The following MAP4 variants were observed in gnomAD, a reference collection of about 807,000 sequenced individuals.
The protein encoded by MAP4 is microtubule associated protein 4.
In MAP4, 76 loss-of-function variants were observed where a neutral mutation model predicts 170.2. The observed-to-expected ratio is 0.45, with a 90% CI of 0.37 to 0.54. The LOEUF is 0.54. Ranked by LOEUF, MAP4 falls within the 20% of genes least tolerant of loss-of-function variation. The probability of loss-of-function intolerance (pLI) is 0.00; values close to 1 mark genes in which losing one functional copy is unlikely to be tolerated. For missense variants in MAP4, 2,506 were observed against 2,748.0 expected (o/e 0.91, Z 1.97); for synonymous variants, 909 against 994.5 (o/e 0.91, Z 1.62).
intron 1 of MAP4, chr3:48,013,337 T>C (rs1385816743): frequency 2.6e-5 from 4 of 152,064 alleles, no homozygotes; most frequent in Non-Finnish European, 1.5e-5. Context: ...AATTGACCAT[T>C]TATACTATTC....
chr3:47,995,264 T>C (rs1371376058), intron 2 of MAP4, among the ~76,000 whole-genome samples: 1 of 149,908 alleles, frequency 6.7e-6, no homozygotes, highest in African/African-American at 2.5e-5. Context: ...TTTTTTTTTT[T>C]TTTTGAGACA....
intron 10 of MAP4, among the ~76,000 whole-genome samples, chr3:47,897,677 G>A (rs980836335): frequency 6.6e-6 from 1 of 152,024 alleles, no homozygotes; most frequent in Non-Finnish European, 1.5e-5. Context: ...AGTGGCTCAT[G>A]CCTGTAATCT....
At chr3:47,983,030 T>C (rs980681540) in intron 2 of MAP4, among the ~76,000 whole-genome samples, 2 of 152,086 alleles carry the variant, frequency 1.3e-5, no homozygotes, top group African/African-American at 4.8e-5. Flanking sequence ...CCCAAGTAGC[T>C]GGTAGCTGGG....
intron 6 of MAP4, among the ~76,000 whole-genome samples, chr3:47,917,522 T>A (rs896563384): frequency 6.7e-6 from 1 of 148,620 alleles, no homozygotes; most frequent in Non-Finnish European, 1.5e-5. Flanking sequence ...GGAGGCGGAG[T>A]TTGCAATGAA....
At chr3:47,853,412 G>T in intron 19 of MAP4, 60 bp from the exon 20 acceptor site, 2 of 1,178,182 alleles carry the variant, frequency 1.7e-6, no homozygotes, top group Non-Finnish European at 2.4e-6. Flanking sequence ...GTGGGATGGG[G>T]TGATGGTGGT....
intron 1 of MAP4, among the ~76,000 whole-genome samples, chr3:48,069,049 A>C (rs2100139760): frequency 6.6e-6 from 1 of 152,216 alleles, no homozygotes; most frequent in Non-Finnish European, 1.5e-5. Flanking sequence ...CAGTAGAAAG[A>C]ATGCTAGAGA....
intron 2 of MAP4, chr3:47,987,545 C>T (rs1268635562): frequency 1.5e-6 from 1 of 645,520 alleles, no homozygotes; most frequent in Non-Finnish European, 2.5e-6. Context: ...ATAACATCAA[C>T]CTCCAGCCCA....
intron 2 of MAP4, among the ~76,000 whole-genome samples, chr3:47,982,168 A>T (rs532852862): frequency 3.9e-5 from 6 of 152,156 alleles, no homozygotes; most frequent in African/African-American, 1.2e-4. Flanking sequence ...AGGGAGATTT[A>T]AAAAAAACAT....
chr3:47,946,982 G>A (rs1284688635), intron 3 of MAP4, among the ~76,000 whole-genome samples: 3 of 152,064 alleles, frequency 2.0e-5, no homozygotes, highest in African/African-American at 7.2e-5. Flanking sequence ...TCATATCCAC[G>A]CTCAATTTTC....
intron 2 of MAP4, among the ~76,000 whole-genome samples, chr3:47,980,274 G>A (rs1159016631): frequency 6.6e-6 from 1 of 152,132 alleles, no homozygotes; most frequent in Non-Finnish European, 1.5e-5. Context: ...TCAATTTGGG[G>A]ATGTACAACT....
chr3:47,974,380 G>A lies in MAP4; in HGVS notation c.292+3485C>T, dbSNP rs76160835. The A allele has an allele frequency of 6.8e-4, 510 of 753,332 alleles. 2 individuals are homozygous for A. In the African/African-American group the frequency reaches 8.3e-3, roughly 12 times the overall value. The allele number at this position is 753,332 out of a possible 1,614,324, so 46.7% of individuals were successfully genotyped here. On this transcript the variant is annotated intron_variant, in intron 3 of 20. Coordinates refer to ENST00000683076, the MANE Select transcript of MAP4 (RefSeq NM_001385682.1). Reference sequence around the variant, plus strand: ...GCAGAGGGTGCAGTAAGCCAAGATCGCGCCACCGCACTCCAGCCTAGGCAA... The same window carrying A: ...GCAGAGGGTGCAGTAAGCCAAGATCACGCCACCGCACTCCAGCCTAGGCAA...
chr3:47,980,299 CTGACTA>C (rs1233342289), intron 2 of MAP4, among the ~76,000 whole-genome samples: 2 of 152,170 alleles, frequency 1.3e-5, no homozygotes, highest in African/African-American at 2.4e-5. Flanking sequence ...CTGAAAGTCT[CTGACTA>C]TATCTAACAT....
chr3:48,039,259 A>G (rs1376124360), intron 1 of MAP4: 1 of 152,594 alleles, frequency 6.6e-6, no homozygotes, highest in Non-Finnish European at 1.5e-5. Flanking sequence ...TCCCCTCACG[A>G]GAACAGGCCT....
intron 1 of MAP4, among the ~76,000 whole-genome samples, chr3:48,011,621 G>T (rs1186894011): frequency 6.6e-6 from 1 of 151,896 alleles, no homozygotes; most frequent in South Asian, 2.1e-4. Context: ...AGACGAATGT[G>T]GGTGGGAAGC....
intron 1 of MAP4, among the ~76,000 whole-genome samples, chr3:48,073,126 T>C (rs1391923862): frequency 2.0e-5 from 3 of 149,782 alleles, no homozygotes; most frequent in Non-Finnish European, 4.5e-5. Context: ...AGGAGAATCA[T>C]TTGAACCTGG....
chr3:47,863,933 T>G lies in MAP4; in HGVS notation c.6501+3313A>C, dbSNP rs1189221071. Among the ~76,000 whole-genome samples the G allele has an allele frequency of 5.6e-5, 6 of 107,966 alleles. No individual in the cohort carries two copies. The East Asian group carries it at 7.2e-4, about 13-fold the overall frequency. The allele number at this position is 107,966 out of a possible 152,430, so 70.8% of individuals were successfully genotyped here. A position where few individuals can be genotyped will look rare whatever the true frequency, so the allele number is the denominator to read the frequency against. On this transcript the variant is annotated intron_variant, in intron 17 of 20. Transcript: ENST00000683076. ...GTGTGTGGGTGTGGGTGTGTGTGTG[T>G]GTGTGGGGAGTGGTGGGGGGTGTAA...
chr3:47,924,892 C>T (rs941195349), intron 4 of MAP4, among the ~76,000 whole-genome samples: 4 of 151,924 alleles, frequency 2.6e-5, no homozygotes, highest in South Asian at 2.1e-4. Flanking sequence ...CTTACTGCAA[C>T]CTCCGCCTCC....
chr3:48,010,122 G>A (rs1326256715), intron 1 of MAP4, among the ~76,000 whole-genome samples: 2 of 152,174 alleles, frequency 1.3e-5, no homozygotes, highest in African/African-American at 4.8e-5. Flanking sequence ...AACCACAACA[G>A]CCAAATCCAG....
At chr3:47,883,777 T>C (rs766116775) in intron 10 of MAP4, among the ~76,000 whole-genome samples, 4 of 152,236 alleles carry the variant, frequency 2.6e-5, no homozygotes, top group Admixed American at 6.5e-5. Context: ...TTGAAAAATG[T>C]TGTGCCACTT....
Sources: allele counts gnomAD v4.1 joint callset (sites outside exome capture counted in the v4.1 genomes callset), GRCh38; gene constraint gnomAD v4.1.1; transcripts MANE v1.5; gene names NCBI Gene and HGNC (gene_info 2026-07-23, HGNC 2026-07-21).